FGF14: variants seen among roughly 807,000 people sequenced by gnomAD.
FGF14 encodes fibroblast growth factor 14.
A neutral mutation model predicts 25.5 loss-of-function variants in FGF14; 5 were observed. The ratio of observed to expected loss-of-function variants is 0.20; its 90% CI spans 0.10 to 0.41. FGF14 has a LOEUF of 0.41. Ranked by LOEUF, FGF14 falls within the 10% of genes least tolerant of loss-of-function variation. The pLI is 1.00. For synonymous variants in FGF14, 138 were observed against 118.3 expected (o/e 1.17, Z -1.08); for missense variants, 222 against 320.1 (o/e 0.69, Z 2.34).
intron 1 of FGF14, among the ~76,000 whole-genome samples, chr13:101,937,507 G>A (rs901722485): frequency 4.6e-5 from 7 of 152,196 alleles, no homozygotes; most frequent in Non-Finnish European, 7.3e-5. Flanking sequence ...CCAGGAGAGA[G>A]GCCTCAGAAG....
intron 1 of FGF14, among the ~76,000 whole-genome samples, chr13:102,307,750 G>T (rs180975268): frequency 1.4e-4 from 22 of 152,136 alleles, no homozygotes; most frequent in Admixed American, 1.4e-3. Flanking sequence ...CTTCTATTAC[G>T]ATTCCCATTT....
intron 1 of FGF14, among the ~76,000 whole-genome samples, chr13:101,989,409 T>G (rs2038774856): frequency 6.6e-6 from 1 of 152,060 alleles, no homozygotes; most frequent in Admixed American, 6.6e-5. Context: ...CTATGTTGAT[T>G]ATAAAGAAGA....
chr13:102,092,819 C>T (rs576936236), intron 1 of FGF14, among the ~76,000 whole-genome samples: 95 of 152,092 alleles, frequency 6.2e-4, no homozygotes, highest in Admixed American at 3.9e-4. Context: ...GACACCAGAG[C>T]GGCCTTTAAG....
intron 1 of FGF14, among the ~76,000 whole-genome samples, chr13:102,020,922 T>TAAA (rs35573849): frequency 7.0e-4 from 100 of 143,790 alleles, no homozygotes; most frequent in African/African-American, 2.3e-3. Context: ...AACACAGAGA[T>TAAA]AAAAAAAAAA....
intron 1 of FGF14, among the ~76,000 whole-genome samples, chr13:102,323,959 G>A (rs377128575): frequency 5.4e-3 from 168 of 31,316 alleles, no homozygotes; most frequent in African/African-American, 0.047. Context: ...CGTGCAGTAT[G>A]TGTGTGTGTG....
intron 3 of FGF14, among the ~76,000 whole-genome samples, chr13:101,750,799 C>T (rs1426016897): frequency 6.6e-6 from 1 of 152,006 alleles, no homozygotes; most frequent in African/African-American, 2.4e-5. Context: ...ATCAAGATGG[C>T]CTTCAATAGG....
At chr13:101,726,034 G>T (rs561215541) in intron 4 of FGF14, among the ~76,000 whole-genome samples, 128 of 151,956 alleles carry the variant, frequency 8.4e-4, no homozygotes, top group Non-Finnish European at 1.6e-3. Flanking sequence ...TTTAGTAAAA[G>T]AAGTAATGCT....
chr13:101,755,838 A>G (rs2037611541), intron 3 of FGF14, among the ~76,000 whole-genome samples: 1 of 152,230 alleles, frequency 6.6e-6, no homozygotes, highest in Non-Finnish European at 1.5e-5. Flanking sequence ...GTTAGTGATA[A>G]GAGTATATGC....
chr13:102,327,989 A>C (rs1352077943), intron 1 of FGF14, among the ~76,000 whole-genome samples: 2 of 140,796 alleles, frequency 1.4e-5, no homozygotes, highest in Non-Finnish European at 1.6e-5. Context: ...AAAAAAAAAA[A>C]ACAGAATAAA....
chr13:101,881,894 C>G (rs578148288), intron 1 of FGF14, among the ~76,000 whole-genome samples: 1 of 152,096 alleles, frequency 6.6e-6, no homozygotes, highest in Non-Finnish European at 1.5e-5. Context: ...CTTTCAGGAA[C>G]TTTTATGTAT....
chr13:102,218,578 A>C (rs1016434680), intron 1 of FGF14, among the ~76,000 whole-genome samples: 5 of 151,916 alleles, frequency 3.3e-5, no homozygotes, highest in Admixed American at 2.6e-4. Context: ...GTGGTCAATG[A>C]TGGGGTTCCC....
intron 1 of FGF14, among the ~76,000 whole-genome samples, chr13:101,927,132 G>T (rs2139209898): frequency 6.6e-6 from 1 of 152,184 alleles, no homozygotes; most frequent in South Asian, 2.1e-4. Context: ...CTCCTCTGAG[G>T]TCCTACAGAG....
intron 1 of FGF14, among the ~76,000 whole-genome samples, chr13:102,100,493 T>C (rs1330026467): frequency 6.6e-6 from 1 of 152,186 alleles, no homozygotes; most frequent in Non-Finnish European, 1.5e-5. Context: ...CCAGCCAGCA[T>C]GTCAGGTGCA....
At chr13:102,176,459 T>C (rs1594287229) in intron 1 of FGF14, among the ~76,000 whole-genome samples, 1 of 152,126 alleles carries the variant, frequency 6.6e-6, no homozygotes, top group East Asian at 1.9e-4. Flanking sequence ...AAAAATTGCC[T>C]ATTGGTTACA....
intron 1 of FGF14, among the ~76,000 whole-genome samples, chr13:102,026,096 T>C (rs1047867428): frequency 1.3e-5 from 2 of 152,056 alleles, no homozygotes; most frequent in Non-Finnish European, 2.9e-5. Flanking sequence ...TTTTGGTAGA[T>C]GTCTTTATTG....
At chr13:102,204,406 C>T (rs929869385) in intron 1 of FGF14, among the ~76,000 whole-genome samples, 1 of 152,170 alleles carries the variant, frequency 6.6e-6, no homozygotes, top group Non-Finnish European at 1.5e-5. Flanking sequence ...TGTAACCACA[C>T]CTCTCTGTGC....
intron 1 of FGF14, among the ~76,000 whole-genome samples, chr13:101,932,958 G>C (rs1217299016): frequency 6.6e-6 from 1 of 152,098 alleles, no homozygotes; most frequent in East Asian, 1.9e-4. Flanking sequence ...AACAGCTAAC[G>C]AGCTACAGTG....
intron 1 of FGF14, among the ~76,000 whole-genome samples, chr13:102,079,755 C>T (rs560711520): frequency 6.6e-6 from 1 of 152,110 alleles, no homozygotes; most frequent in African/African-American, 2.4e-5. Context: ...TACACACATA[C>T]ATATAGATAG....
intron 3 of FGF14, among the ~76,000 whole-genome samples, chr13:101,855,306 TC>T (rs2044069613): frequency 6.6e-6 from 1 of 152,016 alleles, no homozygotes; most frequent in South Asian, 2.1e-4. Context: ...TTTCACATAA[TC>T]AAGAATGAAA....
Sources: allele counts gnomAD v4.1 joint callset (sites outside exome capture counted in the v4.1 genomes callset), GRCh38; gene constraint gnomAD v4.1.1; transcripts MANE v1.5; gene names NCBI Gene and HGNC (gene_info 2026-07-23, HGNC 2026-07-21).